Variants in CACNA2D3 observed in about 807,000 individuals in gnomAD.
CACNA2D3 encodes voltage-dependent calcium channel subunit alpha-2/delta-3.
In CACNA2D3, 60 loss-of-function variants were observed where a neutral mutation model predicts 160.6. That is an observed-to-expected ratio of 0.37 (90% CI 0.30 to 0.46). CACNA2D3 has a LOEUF of 0.46. CACNA2D3 is among the 20% of genes least tolerant of loss of function. The pLI is 1.00. For synonymous variants in CACNA2D3, 558 were observed against 492.9 expected (o/e 1.13, Z -1.75); for missense variants, 1,205 against 1,365.0 (o/e 0.88, Z 1.85).
At chr3:54,308,888 A>G (rs1459356744) in intron 2 of CACNA2D3, among the ~76,000 whole-genome samples, 1 of 152,222 alleles carries the variant, frequency 6.6e-6, no homozygotes, top group Non-Finnish European at 1.5e-5. Context: ...AATGTGTTTG[A>G]AAAAAAGTAG....
At chr3:54,341,821 GT>G (rs527524092) in intron 3 of CACNA2D3, among the ~76,000 whole-genome samples, 1 of 151,280 alleles carries the variant, frequency 6.6e-6, no homozygotes, top group South Asian at 2.1e-4. Flanking sequence ...CTAGAGTGCG[GT>G]TTTTTTTTGT....
At chr3:54,704,311 G>A (rs1425984130) in intron 11 of CACNA2D3, among the ~76,000 whole-genome samples, 11 of 152,188 alleles carry the variant, frequency 7.2e-5, no homozygotes, top group Admixed American at 7.2e-4. Flanking sequence ...TAAATGTGGT[G>A]TGACAGCCAC....
intron 5 of CACNA2D3, among the ~76,000 whole-genome samples, chr3:54,511,051 A>C (rs535624711): frequency 6.6e-6 from 1 of 152,166 alleles, no homozygotes; most frequent in East Asian, 1.9e-4. Flanking sequence ...CTTCCTGGTC[A>C]TGCTAGATCC....
intron 2 of CACNA2D3, among the ~76,000 whole-genome samples, chr3:54,311,185 T>A (rs1197392020): frequency 2.0e-5 from 3 of 152,042 alleles, no homozygotes; most frequent in African/African-American, 7.2e-5. Context: ...TCACTAGGAG[T>A]AAGCTGAGGG....
intron 2 of CACNA2D3, among the ~76,000 whole-genome samples, chr3:54,265,338 T>G (rs1028814677): frequency 6.6e-6 from 1 of 152,024 alleles, no homozygotes; most frequent in South Asian, 2.1e-4. Context: ...AGTTGAACAA[T>G]GAGAACACAT....
intron 2 of CACNA2D3, among the ~76,000 whole-genome samples, chr3:54,240,723 AGTTTTGTTTT>A (rs563071238): frequency 6.6e-6 from 1 of 151,782 alleles, no homozygotes; most frequent in Non-Finnish European, 1.5e-5. Flanking sequence ...TAAAGTTTGG[AGTTTTGTTTT>A]GTTTTGTTTT....
At chr3:54,975,633 C>A (rs1490704544) in intron 29 of CACNA2D3, among the ~76,000 whole-genome samples, 1 of 152,016 alleles carries the variant, frequency 6.6e-6, no homozygotes, top group African/African-American at 2.4e-5. Context: ...GTTCTCTTCC[C>A]ATCATTGTTT....
chr3:54,401,038 T>C (rs1203688601), intron 4 of CACNA2D3, among the ~76,000 whole-genome samples: 2 of 151,934 alleles, frequency 1.3e-5, no homozygotes, highest in Non-Finnish European at 2.9e-5. Context: ...TCAACGGAGA[T>C]AAATATCATT....
At chr3:54,310,090 A>T (rs927076167) in intron 2 of CACNA2D3, among the ~76,000 whole-genome samples, 2 of 152,084 alleles carry the variant, frequency 1.3e-5, no homozygotes, top group African/African-American at 4.8e-5. Flanking sequence ...AGAGCACAGC[A>T]TTAACAATGG....
chr3:54,379,501 G>T (rs907811369), intron 3 of CACNA2D3, among the ~76,000 whole-genome samples: 8 of 152,198 alleles, frequency 5.3e-5, no homozygotes, highest in Non-Finnish European at 1.2e-4. Context: ...AGCATTGCAG[G>T]GTGGCAGGGA....
intron 2 of CACNA2D3, among the ~76,000 whole-genome samples, chr3:54,150,152 TC>T (rs1427374208): frequency 2.0e-5 from 3 of 151,670 alleles, no homozygotes; most frequent in Non-Finnish European, 4.4e-5. Context: ...CCCCAAAACT[TC>T]TGGTGGTCTC....
At chr3:54,206,632 A>G (rs1268028267) in intron 2 of CACNA2D3, among the ~76,000 whole-genome samples, 1 of 152,170 alleles carries the variant, frequency 6.6e-6, no homozygotes, top group Non-Finnish European at 1.5e-5. Context: ...AAGCTATACC[A>G]GTAAGCTTAG....
rs553421938 is a variant in CACNA2D3 at position 55,073,352 on chromosome 3, T to C, written c.2988-93T>C. On this transcript the variant is annotated intron_variant, in intron 35 of 37. Transcript: ENST00000474759. ...TCTCCAAAATTTGCTTTACAAAATA[T>C]GGTAGTTGCTACCACCCAGGAGAGA... The C allele has an allele frequency of 2.1e-4, 152 of 731,202 alleles. 1 individual carries two copies. In the South Asian group the frequency reaches 2.5e-3, roughly 12 times the overall value. 45.3% of individuals were successfully genotyped at this position (731,202 alleles called of 1,614,324 possible).
intron 8 of CACNA2D3, 50 bp downstream of exon 8, chr3:54,570,154 T>C (rs1396843274): frequency 1.3e-6 from 2 of 1,576,100 alleles, no homozygotes; most frequent in Non-Finnish European, 1.7e-6. Context: ...ATTTGATCTT[T>C]TGGTAGTGAC....
intron 10 of CACNA2D3, among the ~76,000 whole-genome samples, chr3:54,633,242 AT>A (rs537738363): frequency 1.5e-3 from 224 of 152,312 alleles, no homozygotes; most frequent in African/African-American, 5.0e-3. Flanking sequence ...CTGAAAGGCC[AT>A]ATTGTGTGCT....
At chr3:54,766,261 A>G (rs901281136) in intron 13 of CACNA2D3, among the ~76,000 whole-genome samples, 2 of 152,248 alleles carry the variant, frequency 1.3e-5, no homozygotes, top group Non-Finnish European at 2.9e-5. Flanking sequence ...TCCAATATAC[A>G]AAGAACTTTT....
intron 5 of CACNA2D3, among the ~76,000 whole-genome samples, chr3:54,543,203 C>T (rs778653565): frequency 2.6e-5 from 4 of 152,248 alleles, no homozygotes; most frequent in East Asian, 1.9e-4. Flanking sequence ...CAGATCAGAG[C>T]GATATGCACA....
chr3:55,004,689 C>A (rs1703051874), intron 31 of CACNA2D3, 74 bp from the exon 32 acceptor site: 4 of 960,318 alleles, frequency 4.2e-6, no homozygotes, highest in Admixed American at 3.6e-5. Context: ...GACTGCTCAC[C>A]TTGTAGTACA....
intron 2 of CACNA2D3, among the ~76,000 whole-genome samples, chr3:54,171,332 T>C (rs1700566042): frequency 6.6e-6 from 1 of 151,780 alleles, no homozygotes; most frequent in African/African-American, 2.4e-5. Flanking sequence ...TGACAGGCCC[T>C]GCAGTCTTCG....
Sources: gnomAD v4.1 joint callset for allele counts (sites outside exome capture counted in the v4.1 genomes callset) on GRCh38, gnomAD v4.1.1 for gene constraint, MANE v1.5 for transcripts, NCBI Gene and HGNC (gene_info 2026-07-23, HGNC 2026-07-21) for gene names.